The following MAN2A1 variants were observed in gnomAD, a reference collection of about 807,000 sequenced individuals.
MAN2A1 encodes alpha-mannosidase 2.
MAN2A1 carries 76 observed loss-of-function variants against 142.6 expected under a neutral mutation model. The observed-to-expected ratio is 0.53, with a 90% CI of 0.44 to 0.65. MAN2A1 has a LOEUF of 0.65. Ranked by LOEUF, MAN2A1 falls within the 30% of genes least tolerant of loss-of-function variation. The pLI, the probability that MAN2A1 is intolerant of heterozygous loss-of-function variation, is 0.00. For missense variants in MAN2A1, 1,311 were observed against 1,365.1 expected, an observed-to-expected ratio of 0.96 and a Z score of 0.62; for synonymous variants, 559 against 473.2, an observed-to-expected ratio of 1.18 and a Z score of -2.35.
chr5:109,803,577 T>C (rs76280749), intron 12 of MAN2A1, among the ~76,000 whole-genome samples: 2,859 of 152,132 alleles, frequency 0.019, 34 homozygotes, highest in Middle Eastern at 0.072. Flanking sequence ...TATAGAATTA[T>C]GATGAGGTAT....
At position 109,716,189 on chromosome 5, in the gene MAN2A1, A is replaced by G. The variant is rs200649910; in HGVS notation, c.460A>G (p.Ile154Val). 92 of 1,611,608 alleles carry G rather than the reference A, an allele frequency of 5.7e-5. 1 individual carries two copies. Among genetic ancestry groups the G allele is most frequent in the Middle Eastern group, 1.6e-4 (1 of 6,078 alleles). ...TGGAGTTTGGAAGCAAGGATTTGAC[A>G]TTACTTATGAATCTAATGAATGGGA... is the stretch of plus-strand genomic sequence containing the variant. The part of the protein sequence containing the change: ...DGGVWKQGFD[I>V]TYESNEWDTE... Residue 154 changes from isoleucine to valine, a missense_variant, in exon 3 of 22, where the codon ATT (isoleucine) becomes GTT (valine). By Grantham distance (29) the Ile-to-Val change is conservative. Transcript: ENST00000261483.
chr5:109,808,565 G>A (rs964792399), intron 12 of MAN2A1, among the ~76,000 whole-genome samples: 11 of 151,784 alleles, frequency 7.2e-5, no homozygotes, highest in Non-Finnish European at 1.5e-4. Flanking sequence ...TTGTTAATGT[G>A]TTCCCTCAAT....
rs759695800 is a variant in MAN2A1 at position 109,784,923 on chromosome 5, C to T, written c.1757C>T (p.Thr586Ile). The change falls in exon 10 of 22, where the codon ACC becomes ATC. Residue 586 changes from threonine to isoleucine, a missense_variant. Physicochemically the swap from Thr to Ile is moderately conservative, Grantham distance 89. Around this residue, in one of 3 missense-constraint regions of MAN2A1, gnomAD observed 890 missense variants for 920.5 expected, o/e 0.97. Transcript: ENST00000261483. ...AKDWVVVDYG[T>I]RLFHSLMVLE... Reference sequence around the variant, plus strand: ...GACTGGGTGGTTGTGGATTATGGTACCAGGTAATCTAATTATAGAAAAATC... The same window carrying T: ...GACTGGGTGGTTGTGGATTATGGTATCAGGTAATCTAATTATAGAAAAATC... 1.8e-5 allele frequency: 28 copies of T among 1,569,602 alleles called. No individual in the cohort carries two copies. The highest frequency in any genetic ancestry group is 2.2e-5 in the Non-Finnish European group (26 of 1,163,362).
intron 4 of MAN2A1, among the ~76,000 whole-genome samples, chr5:109,745,862 C>T (rs544439884): frequency 6.6e-6 from 1 of 152,324 alleles, no homozygotes; most frequent in Non-Finnish European, 1.5e-5. Context: ...GGTGATCCTC[C>T]TGCATTGGTC....
chr5:109,713,925 A>G, intron 2 of MAN2A1, 151 bp downstream of exon 2: 2 of 661,654 alleles, frequency 3.0e-6, no homozygotes, highest in Non-Finnish European at 2.5e-6. Flanking sequence ...AGTCACATGA[A>G]CATTAATGTT....
At chr5:109,809,367 G>C (rs2112709864) in intron 12 of MAN2A1, among the ~76,000 whole-genome samples, 1 of 151,750 alleles carries the variant, frequency 6.6e-6, no homozygotes, top group African/African-American at 2.4e-5. Context: ...ATTTTTCCCT[G>C]CAATCTCATG....
intron 4 of MAN2A1, among the ~76,000 whole-genome samples, chr5:109,736,235 C>T (rs951320458): frequency 2.0e-5 from 3 of 152,154 alleles, no homozygotes; most frequent in African/African-American, 7.2e-5. Flanking sequence ...AAACAGATCA[C>T]ATCAGCATTT....
At chr5:109,799,991 G>A (rs1753974102) in intron 12 of MAN2A1, among the ~76,000 whole-genome samples, 1 of 151,484 alleles carries the variant, frequency 6.6e-6, no homozygotes, top group Non-Finnish European at 1.5e-5. Flanking sequence ...GGGAGACTGA[G>A]GCAGGAGAAT....
chr5:109,738,014 T>C (rs1194213029), intron 4 of MAN2A1, among the ~76,000 whole-genome samples: 1 of 152,180 alleles, frequency 6.6e-6, no homozygotes, highest in Non-Finnish European at 1.5e-5. Context: ...GCTTTGTGCA[T>C]TCCTTATACA....
intron 7 of MAN2A1, among the ~76,000 whole-genome samples, chr5:109,774,018 C>T (rs1753217590): frequency 6.6e-6 from 1 of 152,072 alleles, no homozygotes; most frequent in African/African-American, 2.4e-5. Flanking sequence ...TGCCCTAATT[C>T]AGTGATTTCC....
intron 4 of MAN2A1, among the ~76,000 whole-genome samples, chr5:109,740,749 T>G (rs187669195): frequency 2.6e-5 from 4 of 152,258 alleles, no homozygotes; most frequent in Admixed American, 2.6e-4. Context: ...ATGCTGGGAT[T>G]CCATGCTGAT....
At chr5:109,701,968 AG>A (rs1750995575) in intron 1 of MAN2A1, among the ~76,000 whole-genome samples, 2 of 152,340 alleles carry the variant, frequency 1.3e-5, no homozygotes, top group East Asian at 3.9e-4. Context: ...GTGAGAGATC[AG>A]GGAAGGGAGA....
intron 12 of MAN2A1, chr5:109,804,080 T>G: frequency 1.4e-6 from 1 of 711,674 alleles, no homozygotes; most frequent in Middle Eastern, 3.4e-4. Context: ...GTTCAGAACA[T>G]AGACTAAAGT....
At chr5:109,844,991 AG>A (rs1580311404) in intron 17 of MAN2A1, among the ~76,000 whole-genome samples, 2 of 152,212 alleles carry the variant, frequency 1.3e-5, no homozygotes, top group East Asian at 3.8e-4. Context: ...GAGACATTGC[AG>A]GGTTGCTGGG....
At chr5:109,791,704 T>C (rs1003796638) in intron 12 of MAN2A1, among the ~76,000 whole-genome samples, 4 of 152,044 alleles carry the variant, frequency 2.6e-5, no homozygotes, top group African/African-American at 9.7e-5. Context: ...TTTTAATATA[T>C]AAAGCACAGA....
intron 16 of MAN2A1, among the ~76,000 whole-genome samples, chr5:109,833,052 C>G (rs1459922106): frequency 2.0e-5 from 3 of 151,358 alleles, no homozygotes; most frequent in East Asian, 3.9e-4. Context: ...GGCAGAGGCG[C>G]TCCCCACATC....
At chr5:109,822,011 G>C (rs374607200) in intron 15 of MAN2A1, among the ~76,000 whole-genome samples, 77 of 151,948 alleles carry the variant, frequency 5.1e-4, no homozygotes, top group African/African-American at 1.7e-3. Context: ...GTTAGCTAGG[G>C]ACCTATCTCC....
In MAN2A1 at chr5:109,769,380, C is replaced by T. The variant is rs886100018; in HGVS notation, c.1010-975C>T. 6.6e-5 allele frequency among the ~76,000 whole-genome samples: 10 copies of T among 152,032 alleles called. No homozygotes were observed. In the South Asian group the frequency reaches 8.3e-4, roughly 13 times the overall value. ...ATTAAGTTGAGCTTGTTCACGTGTT[C>T]GAGTTCTTAATGAAGCAGTTATTTT... On this transcript the variant is annotated intron_variant, in intron 6 of 21. Transcript: ENST00000261483.
rs756734042 is a variant in MAN2A1, at chr5:109,784,730, T to C, written c.1578-14T>C. On this transcript the variant is annotated splice_polypyrimidine_tract_variant and intron_variant, in intron 9 of 21. Transcript: ENST00000261483. The stretch of plus-strand genomic sequence containing the variant: ...GTTTGTTTTAAAATAAAAATATGAC[T>C]TTTATGCAATTAGGGCTGCTGAAAT... The C allele has an allele frequency of 3.9e-6, 6 of 1,550,538 alleles. No individual in the cohort carries two copies. The highest frequency in any genetic ancestry group is 5.2e-6 in the Non-Finnish European group (6 of 1,152,586).
Sources: allele counts gnomAD v4.1 joint callset (sites outside exome capture counted in the v4.1 genomes callset), GRCh38; gene constraint gnomAD v4.1.1; regional missense constraint gnomAD v4.1.1; transcripts MANE v1.5; gene names NCBI Gene and HGNC (gene_info 2026-07-23, HGNC 2026-07-21).